WIPF2: variants seen among roughly 807,000 people sequenced by gnomAD.
WIPF2 encodes the protein WAS/WASL interacting protein family member 2.
In WIPF2, 23 loss-of-function variants were observed where a neutral mutation model predicts 38.8. The observed-to-expected ratio is 0.59, with a 90% CI of 0.43 to 0.84. The LOEUF is 0.84. Ranked by LOEUF, WIPF2 falls within the 40% of genes least tolerant of loss-of-function variation. The probability of loss-of-function intolerance (pLI) is 0.00; values close to 1 mark genes in which losing one functional copy is unlikely to be tolerated. For synonymous variants in WIPF2, 210 were observed against 223.2 expected (o/e 0.94, Z 0.53); for missense variants, 574 against 580.5 (o/e 0.99, Z 0.11).
chr17:40,273,706 A>T (rs907979083), intron 5 of WIPF2, 84 bp from the exon 6 acceptor site: 1 of 848,844 alleles, frequency 1.2e-6, no homozygotes, highest in Non-Finnish European at 2.0e-6. Flanking sequence ...GGGGTGTGTT[A>T]CTCTTTTAGC....
chr17:40,222,653 A>AG, intron 1 of WIPF2, among the ~76,000 whole-genome samples: 1 of 81,510 alleles, frequency 1.2e-5, no homozygotes, highest in African/African-American at 5.0e-5. Flanking sequence ...ATGCATATTC[A>AG]GTTTTTTTTT....
chr17:40,220,718 T>C lies in WIPF2; in HGVS notation c.-70+1226T>C, dbSNP rs562209831. Among the ~76,000 whole-genome samples, 577 of 148,494 alleles carry C rather than the reference T, an allele frequency of 3.9e-3. 3 individuals carry two copies. Among genetic ancestry groups the C allele is most frequent in the Middle Eastern group, 0.01 (3 of 290 alleles). On this transcript the variant is annotated intron_variant, in intron 1 of 7. Transcript: ENST00000323571. ...CCTGGGCTCAAGTGATCCTCCTGTC[T>C]CGGCCTCCGCAAGTGCTGGGATTAC... is the stretch of plus-strand genomic sequence containing the variant.
At chr17:40,237,681 T>C (rs1231477904) in intron 1 of WIPF2, among the ~76,000 whole-genome samples, 1 of 151,158 alleles carries the variant, frequency 6.6e-6, no homozygotes, top group African/African-American at 2.4e-5. Flanking sequence ...AGTCTTACTC[T>C]GTCGCCCAGG....
At position 40,224,210 on chromosome 17, in the gene WIPF2, AT is replaced by A. The variant is rs748140162; in HGVS notation, c.-70+4728del. On this transcript the variant is annotated intron_variant, in intron 1 of 7. Coordinates refer to ENST00000323571, the MANE Select transcript of WIPF2 (RefSeq NM_133264.5). ...GGCGGACTTTTGGTACAGCCTGCTT[AT>A]TTTTTTTTTCTTTTCTTTTCTTTTT... 3.3e-4 allele frequency among the ~76,000 whole-genome samples: 34 copies of A among 102,392 alleles called. No individual in the cohort carries two copies. In the East Asian group the frequency reaches 6.5e-3, roughly 20 times the overall value. The allele number at this position is 102,392 out of a possible 152,430, so 67.2% of individuals were successfully genotyped here.
At chr17:40,226,270 C>T (rs1020529994) in intron 1 of WIPF2, among the ~76,000 whole-genome samples, 3 of 150,748 alleles carry the variant, frequency 2.0e-5, no homozygotes, top group African/African-American at 4.9e-5. Flanking sequence ...GTGGTGCGAT[C>T]CCAGCTCACT....
chr17:40,270,747 C>A (rs1006072338), intron 5 of WIPF2, among the ~76,000 whole-genome samples: 1 of 152,048 alleles, frequency 6.6e-6, no homozygotes, highest in Non-Finnish European at 1.5e-5. Flanking sequence ...CTGGGAGTTA[C>A]AAGATTTCTC....
intron 1 of WIPF2, among the ~76,000 whole-genome samples, chr17:40,231,750 G>A (rs1160919235): frequency 1.3e-5 from 2 of 151,674 alleles, no homozygotes; most frequent in East Asian, 2.0e-4. Flanking sequence ...TATGGAGCGT[G>A]CAGATGAAGC....
intron 1 of WIPF2, among the ~76,000 whole-genome samples, chr17:40,238,351 T>C (rs2031059546): frequency 6.6e-6 from 1 of 152,182 alleles, no homozygotes; most frequent in African/African-American, 2.4e-5. Context: ...TTGCCCAGGC[T>C]GGAGTACAAT....
chr17:40,220,589 A>ATATATATATATATATATATATATATG (rs2030154976), intron 1 of WIPF2: 10 of 71,676 alleles, frequency 1.4e-4, no homozygotes, highest in Non-Finnish European at 2.1e-4. Context: ...ATATATATAT[A>ATATATATATATATATATATATATATG]TATATATATA....
chr17:40,227,607 C>G (rs2030547770), intron 1 of WIPF2, among the ~76,000 whole-genome samples: 1 of 151,988 alleles, frequency 6.6e-6, no homozygotes, highest in African/African-American at 2.4e-5. Context: ...AATCCCAGCA[C>G]TTTGGGAGGC....
chr17:40,240,187 A>G (rs1334103070), intron 1 of WIPF2, among the ~76,000 whole-genome samples: 4 of 151,792 alleles, frequency 2.6e-5, no homozygotes, highest in African/African-American at 9.7e-5. Flanking sequence ...TCAGCCTCCC[A>G]AGTCGCTGGC....
intron 1 of WIPF2, among the ~76,000 whole-genome samples, chr17:40,238,188 A>T (rs2031052951): frequency 6.6e-6 from 1 of 151,900 alleles, no homozygotes. Context: ...TGAATTTTAC[A>T]TGTATTTTTG....
At chr17:40,228,792 A>T (rs892401745) in intron 1 of WIPF2, among the ~76,000 whole-genome samples, 2 of 151,518 alleles carry the variant, frequency 1.3e-5, no homozygotes, top group African/African-American at 2.4e-5. Context: ...AATTTTTAAA[A>T]TTTTTTGTAG....
intron 5 of WIPF2, among the ~76,000 whole-genome samples, chr17:40,269,900 C>T (rs923810854): frequency 8.6e-5 from 13 of 151,728 alleles, no homozygotes; most frequent in Middle Eastern, 6.8e-3. Flanking sequence ...CCACTGCACC[C>T]GCCAACACTG....
At chr17:40,222,637 G>GATTTGATGC (rs1199632501) in intron 1 of WIPF2, among the ~76,000 whole-genome samples, 1 of 103,790 alleles carries the variant, frequency 9.6e-6, no homozygotes, top group Non-Finnish European at 2.0e-5. Flanking sequence ...AACTGGTTTT[G>GATTTGATGC]ATTTGATGCA....
chr17:40,259,040 AAGAT>A (rs1296135793), intron 2 of WIPF2, among the ~76,000 whole-genome samples: 17 of 148,586 alleles, frequency 1.1e-4, no homozygotes, highest in East Asian at 2.0e-4. Flanking sequence ...AAAAAAAAAA[AAGAT>A]AAGTTTTTTT....
chr17:40,227,813 C>T (rs1319017147), intron 1 of WIPF2, among the ~76,000 whole-genome samples: 1 of 151,870 alleles, frequency 6.6e-6, no homozygotes, highest in Non-Finnish European at 1.5e-5. Context: ...TGTGCCACTG[C>T]ACTCCAGCCT....
At chr17:40,229,259 G>T (rs920467588) in intron 1 of WIPF2, among the ~76,000 whole-genome samples, 3 of 149,984 alleles carry the variant, frequency 2.0e-5, no homozygotes, top group African/African-American at 7.4e-5. Flanking sequence ...TTACAGGCAT[G>T]CATCACCACG....
At chr17:40,236,494 TGGA>T (rs2030974907) in intron 1 of WIPF2, among the ~76,000 whole-genome samples, 2 of 150,406 alleles carry the variant, frequency 1.3e-5, no homozygotes. Flanking sequence ...TGTGTAGAGA[TGGA>T]GTTTTGCCAT....
Sources: gnomAD v4.1 joint callset for allele counts (sites outside exome capture counted in the v4.1 genomes callset) on GRCh38, gnomAD v4.1.1 for gene constraint, MANE v1.5 for transcripts, NCBI Gene and HGNC (gene_info 2026-07-23, HGNC 2026-07-21) for gene names.